MEGF9: variants seen among roughly 807,000 people sequenced by gnomAD.
MEGF9 encodes multiple EGF like domains 9.
Under a neutral mutation model 46.8 loss-of-function variants are expected in MEGF9, and 6 were observed. That is an observed-to-expected ratio of 0.13 (90% CI 0.07 to 0.25). The LOEUF (loss-of-function observed/expected upper bound fraction) is 0.25, where lower values mean the gene tolerates loss of function less well. Among genes scored for constraint, MEGF9 ranks in the 10% least tolerant of loss-of-function variants. MEGF9 has a pLI of 1.00. For missense variants in MEGF9, 683 were observed against 792.4 expected, an observed-to-expected ratio of 0.86 and a Z score of 1.66; for synonymous variants, 302 against 330.7, an observed-to-expected ratio of 0.91 and a Z score of 0.94.
chr9:120,606,127 T>C (rs1359842804), intron 5 of MEGF9, among the ~76,000 whole-genome samples: 25 of 146,184 alleles, frequency 1.7e-4, no homozygotes, highest in African/African-American at 2.6e-5. Context: ...GCTGAGATCA[T>C]GCCACTGCAC....
chr9:120,666,982 T>C (rs1228609416), intron 1 of MEGF9, among the ~76,000 whole-genome samples: 2 of 152,156 alleles, frequency 1.3e-5, no homozygotes, highest in African/African-American at 4.8e-5. Context: ...GAGGGGGTAA[T>C]AAAACCATTT....
Position 120,714,018 on chromosome 9 carries a change from G to T in MEGF9, c.341C>A (p.Thr114Asn). The T allele has an allele frequency of 7.3e-7, 1 of 1,371,454 alleles. No individual in the cohort carries two copies. The allele number at this position is 1,371,454 out of a possible 1,614,324, so 85.0% of individuals were successfully genotyped here. ...PLWATAGPSSTTFQAPLGPSP... is the reference protein window; with the variant it reads ...PLWATAGPSSNTFQAPLGPSP... ...GGGGCCGAGCGGCGCCTGAAAGGTGGTGGAAGAGGGTCCAGCAGTCGCCCA... is the reference window on the plus strand; with the variant it reads ...GGGGCCGAGCGGCGCCTGAAAGGTGTTGGAAGAGGGTCCAGCAGTCGCCCA... Residue 114 changes from threonine (T) to asparagine (N), a missense_variant, in exon 1 of 6, where the codon ACC becomes AAC. By Grantham distance (65) the Thr-to-Asn change is moderately conservative. This residue lies in a region of MEGF9 where 370 missense variants were observed against 371.3 expected (regional missense o/e 1.00). Coordinates refer to ENST00000373930, the MANE Select transcript of MEGF9 (RefSeq NM_001080497.3).
chr9:120,683,334 G>GCT (rs112283925), intron 1 of MEGF9, among the ~76,000 whole-genome samples: 3,601 of 152,248 alleles, frequency 0.024, 150 homozygotes, highest in African/African-American at 0.083. Context: ...AAATGGTTTG[G>GCT]CTGTGAACCC....
Position 120,646,851 on chromosome 9 carries a change from C to T in MEGF9, c.803+12523G>A, listed in dbSNP as rs2043628305. 2.6e-5 allele frequency among the ~76,000 whole-genome samples: 4 copies of T among 152,024 alleles called. No individual in the cohort carries two copies. In the South Asian group the frequency reaches 6.2e-4, roughly 24 times the overall value. On this transcript the variant is annotated intron_variant, in intron 2 of 5. Coordinates refer to ENST00000373930, the MANE Select transcript of MEGF9 (RefSeq NM_001080497.3). ...ATTTTATTCAACAGAAACCATAATA[C>T]CAAATACTGCATTTATAGAAACTTA...
intron 3 of MEGF9, 96 bp downstream of exon 3, chr9:120,622,520 C>T: frequency 7.4e-7 from 1 of 1,353,432 alleles, no homozygotes. Flanking sequence ...AAAGGCCCTT[C>T]CAAACTATTT....
chr9:120,620,731 C>G (rs763235267), intron 3 of MEGF9, among the ~76,000 whole-genome samples: 13 of 151,962 alleles, frequency 8.6e-5, no homozygotes, highest in South Asian at 2.1e-4. Flanking sequence ...ATATGAGAAC[C>G]CTGGGACCAG....
At chr9:120,679,921 G>A (rs1404854529) in intron 1 of MEGF9, among the ~76,000 whole-genome samples, 3 of 134,994 alleles carry the variant, frequency 2.2e-5, no homozygotes, top group Non-Finnish European at 4.7e-5. Flanking sequence ...CTGGGTGACA[G>A]AGTGAGACTC....
intron 2 of MEGF9, among the ~76,000 whole-genome samples, chr9:120,638,760 T>C (rs1377643672): frequency 6.6e-6 from 1 of 152,216 alleles, no homozygotes; most frequent in Non-Finnish European, 1.5e-5. Context: ...AGATGGAACA[T>C]CTTTTCACCC....
chr9:120,665,273 T>TTGGCTCACTGCAACCTC (rs2043720130), intron 1 of MEGF9, among the ~76,000 whole-genome samples: 1 of 152,098 alleles, frequency 6.6e-6, no homozygotes, highest in South Asian at 2.1e-4. Context: ...TGACACAATC[T>TTGGCTCACTGCAACCTC]TGGCTCACTG....
At chr9:120,698,686 A>G (rs1015417922) in intron 1 of MEGF9, among the ~76,000 whole-genome samples, 1 of 152,316 alleles carries the variant, frequency 6.6e-6, no homozygotes, top group Non-Finnish European at 1.5e-5. Flanking sequence ...AGTGTTTACT[A>G]TGTGCTGATT....
intron 2 of MEGF9, among the ~76,000 whole-genome samples, chr9:120,658,119 G>C (rs1395211823): frequency 6.6e-6 from 1 of 151,926 alleles, no homozygotes; most frequent in Non-Finnish European, 1.5e-5. Context: ...CGAGTAGCTG[G>C]GACTACAGGT....
At chr9:120,612,676 C>T (rs752103567) in intron 3 of MEGF9, 137 bp from the exon 4 acceptor site, 28 of 711,274 alleles carry the variant, frequency 3.9e-5, no homozygotes, top group Non-Finnish European at 6.0e-5. Flanking sequence ...ATTTCTACCC[C>T]ACCTGATTTC....
chr9:120,655,508 T>C (rs976069001), intron 2 of MEGF9, among the ~76,000 whole-genome samples: 2 of 152,182 alleles, frequency 1.3e-5, no homozygotes, highest in East Asian at 1.9e-4. Flanking sequence ...ACAACATATC[T>C]CCACCATTAA....
intron 2 of MEGF9, among the ~76,000 whole-genome samples, chr9:120,652,596 A>ACG (rs2043658573): frequency 6.6e-6 from 1 of 151,650 alleles, no homozygotes; most frequent in African/African-American, 2.4e-5. Context: ...ACAGGCACAC[A>ACG]CACACACACA....
chr9:120,674,107 C>T (rs1459844550), intron 1 of MEGF9, among the ~76,000 whole-genome samples: 1 of 150,272 alleles, frequency 6.7e-6, no homozygotes, highest in African/African-American at 2.5e-5. Flanking sequence ...ACAAATAAAA[C>T]ACCAAAAGTA....
intron 2 of MEGF9, among the ~76,000 whole-genome samples, chr9:120,654,328 C>G (rs1164637788): frequency 6.6e-6 from 1 of 151,956 alleles, no homozygotes; most frequent in Non-Finnish European, 1.5e-5. Context: ...GAAAATAGTC[C>G]ATATAGAACA....
intron 1 of MEGF9, among the ~76,000 whole-genome samples, chr9:120,685,957 A>G (rs887801488): frequency 1.3e-5 from 2 of 152,216 alleles, no homozygotes; most frequent in African/African-American, 2.4e-5. Context: ...TAAGTGAAAT[A>G]AACTAGTCAC....
Position 120,654,365 on chromosome 9 carries a change from C to A in MEGF9, c.803+5009G>T, listed in dbSNP as rs544181309. Among the ~76,000 whole-genome samples, 14 of 152,244 alleles carry A rather than the reference C, an allele frequency of 9.2e-5. No individual in the cohort carries two copies. The South Asian group carries it at 1.9e-3, about 20-fold the overall frequency. On this transcript the variant is annotated intron_variant, in intron 2 of 5. Transcript: ENST00000373930. ...GGAAAAATAATACAGTCAGGTGCAACATGATGACATTTCCGTCAATGACGT... is the reference window on the plus strand; with the variant it reads ...GGAAAAATAATACAGTCAGGTGCAAAATGATGACATTTCCGTCAATGACGT...
At chr9:120,656,354 TG>T (rs2043676643) in intron 2 of MEGF9, among the ~76,000 whole-genome samples, 2 of 151,848 alleles carry the variant, frequency 1.3e-5, no homozygotes, top group Admixed American at 1.3e-4. Context: ...CAGACCATCC[TG>T]GCTAACACGG....
Sources: allele counts gnomAD v4.1 joint callset (sites outside exome capture counted in the v4.1 genomes callset), GRCh38; gene constraint gnomAD v4.1.1; regional missense constraint gnomAD v4.1.1; transcripts MANE v1.5; gene names NCBI Gene and HGNC (gene_info 2026-07-23, HGNC 2026-07-21).